CCSER1: variants seen among roughly 807,000 people sequenced by gnomAD.
CCSER1 encodes serine-rich coiled-coil domain-containing protein 1.
A neutral mutation model predicts 82.0 loss-of-function variants in CCSER1; 41 were observed. The observed-to-expected ratio is 0.50, with a 90% CI of 0.39 to 0.65. The LOEUF (loss-of-function observed/expected upper bound fraction) is 0.65. Ranked by LOEUF, CCSER1 falls within the 30% of genes least tolerant of loss-of-function variation. The pLI is 0.00. For synonymous variants in CCSER1, 414 were observed against 383.9 expected (o/e 1.08, Z -0.92); for missense variants, 1,119 against 1,064.2 (o/e 1.05, Z -0.72).
intron 1 of CCSER1, among the ~76,000 whole-genome samples, chr4:90,243,905 A>G (rs1390438520): frequency 6.6e-6 from 1 of 151,918 alleles, no homozygotes; most frequent in Non-Finnish European, 1.5e-5. Context: ...CTTGGTACAC[A>G]TAACAAAAAT....
chr4:90,473,187 T>C (rs1764629825), intron 5 of CCSER1, among the ~76,000 whole-genome samples: 1 of 152,158 alleles, frequency 6.6e-6, no homozygotes, highest in Non-Finnish European at 1.5e-5. Flanking sequence ...ATAACCATGA[T>C]TGGCTTTGGA....
At chr4:90,875,946 A>G (rs1359751608) in intron 8 of CCSER1, among the ~76,000 whole-genome samples, 2 of 152,218 alleles carry the variant, frequency 1.3e-5, no homozygotes, top group African/African-American at 2.4e-5. Flanking sequence ...CAGCCTATAA[A>G]TTCTTAATTT....
intron 10 of CCSER1, among the ~76,000 whole-genome samples, chr4:91,144,646 T>C (rs888666594): frequency 1.3e-5 from 2 of 151,896 alleles, no homozygotes; most frequent in Non-Finnish European, 2.9e-5. Flanking sequence ...TCTGGAGATT[T>C]TGGTATATTG....
chr4:91,091,780 G>A (rs938707738), intron 10 of CCSER1, among the ~76,000 whole-genome samples: 1 of 152,070 alleles, frequency 6.6e-6, no homozygotes, highest in Non-Finnish European at 1.5e-5. Flanking sequence ...ACGGTCTTGG[G>A]TCCCTTCCAC....
At chr4:91,176,796 T>G (rs1036905062) in intron 10 of CCSER1, among the ~76,000 whole-genome samples, 1 of 152,182 alleles carries the variant, frequency 6.6e-6, no homozygotes, top group Non-Finnish European at 1.5e-5. Context: ...CTTTTCCTAA[T>G]TGAATACCCT....
At chr4:90,899,537 G>A (rs4092507) in intron 8 of CCSER1, among the ~76,000 whole-genome samples, 3 of 151,942 alleles carry the variant, frequency 2.0e-5, no homozygotes, top group African/African-American at 7.2e-5. Context: ...CTAGGTCTTA[G>A]AAAGAATTCT....
chr4:90,274,711 C>A (rs544044850), intron 1 of CCSER1, among the ~76,000 whole-genome samples: 1 of 151,856 alleles, frequency 6.6e-6, no homozygotes, highest in Non-Finnish European at 1.5e-5. Flanking sequence ...TGCACTTGAC[C>A]ATCTTGGTCC....
chr4:91,443,095 C>T (rs1755301468), intron 10 of CCSER1, among the ~76,000 whole-genome samples: 1 of 151,992 alleles, frequency 6.6e-6, no homozygotes, highest in Non-Finnish European at 1.5e-5. Flanking sequence ...ACTAGAAATA[C>T]CATTTGACCC....
intron 1 of CCSER1, among the ~76,000 whole-genome samples, chr4:90,276,229 T>C (rs1292118520): frequency 2.9e-5 from 3 of 105,116 alleles, no homozygotes; most frequent in East Asian, 5.4e-4. Context: ...TTTCTTTCTT[T>C]CTTTCTTTCT....
intron 10 of CCSER1, among the ~76,000 whole-genome samples, chr4:91,368,507 G>T (rs1415773520): frequency 6.6e-6 from 1 of 151,988 alleles, no homozygotes; most frequent in African/African-American, 2.4e-5. Context: ...CTACTTAAAA[G>T]CATACATTTT....
chr4:90,347,074 T>A (rs935440151), intron 3 of CCSER1, among the ~76,000 whole-genome samples: 1 of 152,142 alleles, frequency 6.6e-6, no homozygotes, highest in Non-Finnish European at 1.5e-5. Context: ...AATAAGGTTA[T>A]TTTGTTTGTA....
intron 4 of CCSER1, among the ~76,000 whole-genome samples, chr4:90,446,440 A>G (rs1262517250): frequency 1.3e-5 from 2 of 152,156 alleles, no homozygotes; most frequent in African/African-American, 4.8e-5. Flanking sequence ...CCTGAGAGAG[A>G]TTCTTGATAT....
In CCSER1 at chr4:91,229,742, C is replaced by A. The variant is rs560333138; in HGVS notation, c.2217+143748C>A. ...AGCAAACTAACACAGGAACAGGAAA[C>A]CAAACACCGCATGTTCTCACTCATT... is the stretch of plus-strand genomic sequence containing the variant. On this transcript the variant is annotated intron_variant, in intron 10 of 10. Transcript: ENST00000509176. 5.8e-4 allele frequency among the ~76,000 whole-genome samples: 89 copies of A among 152,210 alleles called. 2 individuals are homozygous for A. The South Asian group carries it at 0.017, about 30-fold the overall frequency.
intron 5 of CCSER1, among the ~76,000 whole-genome samples, chr4:90,493,791 G>T (rs905209242): frequency 6.6e-6 from 1 of 152,094 alleles, no homozygotes. Flanking sequence ...GGAACAACCG[G>T]TACCAGCTAC....
chr4:90,416,874 A>G (rs1345375402), intron 4 of CCSER1, among the ~76,000 whole-genome samples: 7 of 152,230 alleles, frequency 4.6e-5, no homozygotes, highest in Non-Finnish European at 8.8e-5. Flanking sequence ...ACCATAAAAA[A>G]GAATGAGTTC....
chr4:91,304,591 A>G (rs1464382740), intron 10 of CCSER1, among the ~76,000 whole-genome samples: 3 of 152,020 alleles, frequency 2.0e-5, no homozygotes, highest in Non-Finnish European at 4.4e-5. Flanking sequence ...CACACATCAC[A>G]TACGTTCCTC....
intron 9 of CCSER1, among the ~76,000 whole-genome samples, chr4:91,085,353 A>G (rs2148815273): frequency 6.6e-6 from 1 of 152,274 alleles, no homozygotes; most frequent in East Asian, 1.9e-4. Context: ...TTTTAATGAC[A>G]AAATTGACTT....
intron 5 of CCSER1, among the ~76,000 whole-genome samples, chr4:90,592,182 C>T (rs1227571663): frequency 1.3e-5 from 2 of 151,796 alleles, no homozygotes; most frequent in African/African-American, 4.8e-5. Flanking sequence ...CACATATATC[C>T]CAGTATTTAA....
intron 7 of CCSER1, among the ~76,000 whole-genome samples, chr4:90,744,504 A>G (rs1001107918): frequency 7.9e-5 from 12 of 152,214 alleles, no homozygotes; most frequent in Admixed American, 2.6e-4. Context: ...ATAATACACT[A>G]TTGTTGGATA....
Sources: gnomAD v4.1 joint callset for allele counts (sites outside exome capture counted in the v4.1 genomes callset) on GRCh38, gnomAD v4.1.1 for gene constraint, MANE v1.5 for transcripts, NCBI Gene and HGNC (gene_info 2026-07-23, HGNC 2026-07-21) for gene names.